The following PSD3 variants were observed in gnomAD, a reference collection of about 807,000 sequenced individuals.
The protein encoded by PSD3 is PH and SEC7 domain-containing protein 3.
Under a neutral mutation model 105.5 loss-of-function variants are expected in PSD3, and 49 were observed. The observed-to-expected ratio is 0.46, with a 90% CI of 0.37 to 0.59. The LOEUF is 0.59. PSD3 is among the 20% of genes least tolerant of loss of function. The probability of loss-of-function intolerance (pLI) is 0.00; values close to 1 mark genes in which losing one functional copy is unlikely to be tolerated. For synonymous variants in PSD3, 557 were observed against 457.8 expected, an observed-to-expected ratio of 1.22 and a Z score of -2.77; for missense variants, 1,561 against 1,263.8, an observed-to-expected ratio of 1.24 and a Z score of -3.57.
rs114437297 is a variant in PSD3, at chr8:19,007,590, C to A, written c.21+5973G>T. On this transcript the variant is annotated intron_variant, in intron 1 of 15. Coordinates refer to ENST00000327040, the MANE Select transcript of PSD3 (RefSeq NM_015310.4). ...TTCACAAGTTCTGAGTTCTTAGGTA[C>A]TGTAGTTTCAGTATTTGCTGATTGT... is the stretch of plus-strand genomic sequence containing the variant. 2.9e-3 allele frequency among the ~76,000 whole-genome samples: 439 copies of A among 152,098 alleles called. 7 individuals are homozygous for A. Among genetic ancestry groups the A allele is most frequent in the African/African-American group, 1.0e-2 (415 of 41,510 alleles).
chr8:18,850,395 A>G (rs1815466733), intron 4 of PSD3, among the ~76,000 whole-genome samples: 1 of 152,238 alleles, frequency 6.6e-6, no homozygotes, highest in Non-Finnish European at 1.5e-5. Context: ...AGCCCTGATC[A>G]AAGATGATCA....
At chr8:18,793,365 C>T (rs1219222994) in intron 8 of PSD3, among the ~76,000 whole-genome samples, 1 of 85,346 alleles carries the variant, frequency 1.2e-5, no homozygotes, top group African/African-American at 4.2e-5. Context: ...TGTAAGGTAT[C>T]AAAATAGAAA....
intron 7 of PSD3, 159 bp downstream of exon 7, chr8:18,801,111 A>C (rs1287251510): frequency 2.2e-6 from 1 of 453,468 alleles, no homozygotes; most frequent in East Asian, 3.6e-5. Context: ...CCAATTTGAC[A>C]TTAAATATTA....
At chr8:18,615,700 T>C (rs779156035) in intron 11 of PSD3, among the ~76,000 whole-genome samples, 1 of 152,106 alleles carries the variant, frequency 6.6e-6, no homozygotes, top group Non-Finnish European at 1.5e-5. Flanking sequence ...GGTGTTAAAA[T>C]AAATGTAAGG....
chr8:18,558,919 T>G (rs1319228531), intron 14 of PSD3, among the ~76,000 whole-genome samples: 1 of 152,204 alleles, frequency 6.6e-6, no homozygotes, highest in Non-Finnish European at 1.5e-5. Context: ...TTTTTTTCAC[T>G]CAACATGTTT....
chr8:18,614,348 CCA>C (rs1014789084), intron 11 of PSD3, among the ~76,000 whole-genome samples: 8 of 150,834 alleles, frequency 5.3e-5, no homozygotes, highest in African/African-American at 2.0e-4. Context: ...CATCCCCCCC[CCA>C]AAAAAATCAG....
chr8:18,921,616 G>T (rs12155975), intron 2 of PSD3, among the ~76,000 whole-genome samples: 25,100 of 152,156 alleles, frequency 0.16, 2,330 homozygotes, highest in East Asian at 0.32. Context: ...GCAGGTTTCT[G>T]GGAGCCTTGG....
chr8:19,015,984 G>A (rs2129475667), upstream of PSD3, among the ~76,000 whole-genome samples: 1 of 152,278 alleles, frequency 6.6e-6, no homozygotes, highest in Non-Finnish European at 1.5e-5. Context: ...AGATAAAATG[G>A]TTAGAGGTTC....
rs558632675 is a variant in PSD3 at position 18,533,116 on chromosome 8, T to G, written c.*2627A>C. 2.6e-5 allele frequency: 4 copies of G among 152,236 alleles called. No homozygotes were observed. Among genetic ancestry groups the G allele is most frequent in the South Asian group, 2.1e-4 (1 of 4,812 alleles). The allele number at this position is 152,236 out of a possible 1,614,324, so 9.4% of individuals were successfully genotyped here. On this transcript the variant is annotated 3_prime_UTR_variant, in exon 16 of 16. Coordinates refer to ENST00000327040, the MANE Select transcript of PSD3 (RefSeq NM_015310.4). ...TGGCTAGATGCCACAGGAAATAAAT[T>G]ATCCCAAAGGAAAATGTGGTTGGCT...
chr8:18,678,039 A>C (rs919197483), intron 9 of PSD3, among the ~76,000 whole-genome samples: 12 of 152,072 alleles, frequency 7.9e-5, no homozygotes, highest in South Asian at 2.1e-4. Context: ...AAACAAAAAA[A>C]CCCACAAAAC....
chr8:18,770,553 T>C (rs1046426224), intron 8 of PSD3, among the ~76,000 whole-genome samples: 35 of 152,316 alleles, frequency 2.3e-4, no homozygotes, highest in African/African-American at 8.4e-4. Flanking sequence ...AAATCTGCTG[T>C]GTTCCACCCC....
At chr8:18,655,139 CT>C (rs1207587128) in intron 10 of PSD3, among the ~76,000 whole-genome samples, 1 of 151,414 alleles carries the variant, frequency 6.6e-6, no homozygotes, top group Non-Finnish European at 1.5e-5. Context: ...CTGGCTAACA[CT>C]GTGAAACCCC....
intron 9 of PSD3, among the ~76,000 whole-genome samples, chr8:18,667,463 A>C (rs1287980848): frequency 6.6e-6 from 1 of 152,176 alleles, no homozygotes; most frequent in Non-Finnish European, 1.5e-5. Context: ...AAGATTCTCC[A>C]AGTCCCCACC....
chr8:18,727,961 G>A (rs1803456271), intron 9 of PSD3, among the ~76,000 whole-genome samples: 1 of 151,928 alleles, frequency 6.6e-6, no homozygotes, highest in Non-Finnish European at 1.5e-5. Flanking sequence ...TATTCCATGA[G>A]GGCAGGGATT....
intron 1 of PSD3, among the ~76,000 whole-genome samples, chr8:19,011,485 G>C (rs1554568519): frequency 6.6e-6 from 1 of 152,140 alleles, no homozygotes; most frequent in Non-Finnish European, 1.5e-5. Flanking sequence ...CAGAGCCATT[G>C]ACTGAAAGTA....
intron 9 of PSD3, among the ~76,000 whole-genome samples, chr8:18,714,951 T>C (rs1802493342): frequency 6.6e-6 from 1 of 152,098 alleles, no homozygotes; most frequent in African/African-American, 2.4e-5. Context: ...TATGCAGCCA[T>C]AAAAAGGAAT....
At chr8:18,823,894 G>C (rs1302696550) in intron 4 of PSD3, among the ~76,000 whole-genome samples, 3 of 152,084 alleles carry the variant, frequency 2.0e-5, no homozygotes, top group African/African-American at 7.2e-5. Context: ...TGGAGAAAAA[G>C]TGAGGTCAGG....
intron 12 of PSD3, among the ~76,000 whole-genome samples, chr8:18,592,212 T>C (rs1038368889): frequency 6.6e-6 from 1 of 152,118 alleles, no homozygotes; most frequent in Non-Finnish European, 1.5e-5. Context: ...AAATAGATAT[T>C]TTCAAGCTGA....
At chr8:18,952,871 G>C (rs1823328197) in intron 1 of PSD3, among the ~76,000 whole-genome samples, 1 of 152,164 alleles carries the variant, frequency 6.6e-6, no homozygotes, top group Admixed American at 6.5e-5. Context: ...GTGATGGCCA[G>C]CAGGTACTAC....
Sources: gnomAD v4.1 joint callset for allele counts (sites outside exome capture counted in the v4.1 genomes callset) on GRCh38, gnomAD v4.1.1 for gene constraint, MANE v1.5 for transcripts, NCBI Gene and HGNC (gene_info 2026-07-23, HGNC 2026-07-21) for gene names.